REC8: variants seen among roughly 807,000 people sequenced by gnomAD.
REC8 encodes REC8 meiotic recombination protein.
Under a neutral mutation model 78.3 loss-of-function variants are expected in REC8, and 42 were observed. The ratio of observed to expected loss-of-function variants is 0.54; its 90% CI spans 0.42 to 0.69. The LOEUF (loss-of-function observed/expected upper bound fraction) is 0.69. REC8 is among the 30% of genes least tolerant of loss of function. REC8 has a pLI of 0.00. For missense variants in REC8, 581 were observed against 715.8 expected, an observed-to-expected ratio of 0.81 and a Z score of 2.15; for synonymous variants, 268 against 274.1, an observed-to-expected ratio of 0.98 and a Z score of 0.22.
At chr14:24,172,685 A>G (rs368977212) in intron 1 of REC8, 28 bp from the exon 2 acceptor site, 9 of 1,613,720 alleles carry the variant, frequency 5.6e-6, no homozygotes, top group Non-Finnish European at 7.6e-6. Context: ...CTCCATCCCC[A>G]TTCTCCCACC....
In REC8 at chr14:24,176,881, A is replaced by G. The variant is rs2038920100; in HGVS notation, c.604A>G (p.Ile202Val). ...CATCACGATCCTGGAGGCAGAGCCC[A>G]TACGGATGCTGGAGATTGAGGTGAG... The part of the protein sequence containing the change: ...EAITILEAEP[I>V]RMLEIEGERE... Residue 202 changes from isoleucine (I) to valine (V), a missense_variant, in exon 7 of 19, where the codon ATA (isoleucine) becomes GTA (valine). Coordinates refer to ENST00000611366, the MANE Select transcript of REC8 (RefSeq NM_001048205.2). 1 of 1,613,692 alleles carries G rather than the reference A, an allele frequency of 6.2e-7. No homozygotes were observed. Among genetic ancestry groups the G allele is most frequent in the African/African-American group, 1.3e-5 (1 of 74,918 alleles).
chr14:24,176,833 G>A lies in REC8; in HGVS notation c.556G>A (p.Val186Ile), dbSNP rs535816878. 97 of 1,613,340 alleles carry A rather than the reference G, an allele frequency of 6.0e-5. No individual in the cohort carries two copies. Among genetic ancestry groups the A allele is most frequent in the Non-Finnish European group, 7.0e-5 (82 of 1,179,646 alleles). Reference sequence around the variant, plus strand: ...TCTTGTCCCTCCAGAGAGGATTCCGGTCACTGTGCTGCCACCTGAGGCCAT... The same window carrying A: ...TCTTGTCCCTCCAGAGAGGATTCCGATCACTGTGCTGCCACCTGAGGCCAT... ...TEPREPERIP[V>I]TVLPPEAITI... is the part of the protein sequence containing the mutation. The change falls in exon 7 of 19, where the codon GTC (valine) becomes ATC (isoleucine). Residue 186 changes from valine (V) to isoleucine (I), a missense_variant. Coordinates refer to ENST00000611366, the MANE Select transcript of REC8 (RefSeq NM_001048205.2).
chr14:24,174,025 C>T (rs2038782877), intron 5 of REC8, among the ~76,000 whole-genome samples: 1 of 151,944 alleles, frequency 6.6e-6, no homozygotes. Flanking sequence ...GCCACCATGC[C>T]CAACTGATTT....
downstream of REC8, chr14:24,180,568 G>A: frequency 1.2e-6 from 2 of 1,613,682 alleles, no homozygotes; most frequent in Non-Finnish European, 1.7e-6. Flanking sequence ...GTGCGGCCTT[G>A]GTGTCTGGGT....
rs1049460943 is a variant in REC8, at chr14:24,179,583, A to G, written c.1320-12A>G. ...CAGCTGCCACCTTCCCTACTCTCTC[A>G]TGTCCTCCTAGGGCCTGGCCTGAGG... On this transcript the variant is annotated splice_polypyrimidine_tract_variant and intron_variant, in intron 16 of 18. Transcript: ENST00000611366. 17 of 1,614,038 alleles carry G rather than the reference A, an allele frequency of 1.1e-5. No individual in the cohort carries two copies. Among genetic ancestry groups the G allele is most frequent in the Non-Finnish European group, 1.4e-5 (17 of 1,179,984 alleles).
intron 6 of REC8, among the ~76,000 whole-genome samples, chr14:24,176,081 T>C (rs557567344): frequency 3.9e-5 from 6 of 152,080 alleles, no homozygotes; most frequent in African/African-American, 1.2e-4. Context: ...TTTTTTTTTT[T>C]TGAGAGATGG....
rs746729095 is a variant in REC8 at position 24,178,788 on chromosome 14, C to A, written c.1075C>A (p.Pro359Thr). Reference sequence around the variant, plus strand: ...CCTCTTGTCCACAGCTGGCTGGCTACCCCCTGAACTACTGGGTCTCTGGAC... The same window carrying A: ...CCTCTTGTCCACAGCTGGCTGGCTAACCCCTGAACTACTGGGTCTCTGGAC... The part of the protein sequence containing the change: ...FRTPTLSGWL[P>T]PELLGLWTHC... Residue 359 changes from proline (P) to threonine (T), a missense_variant, in exon 14 of 19, where the codon CCC becomes ACC. Transcript: ENST00000611366. 2.5e-6 allele frequency: 4 copies of A among 1,609,870 alleles called. No homozygotes were observed. The highest frequency in any genetic ancestry group is 3.4e-6 in the Non-Finnish European group (4 of 1,177,052).
In REC8 at chr14:24,173,208, C is replaced by T. The variant is rs1037171367; in HGVS notation, c.341+10C>T. The stretch of plus-strand genomic sequence containing the variant: ...ATATGGAGACTGAGCTGTGAGTGTG[C>T]CCTGGGCCTTTGATGGAACACCTGC... On this transcript the variant is annotated intron_variant, in intron 4 of 18. Coordinates refer to ENST00000611366, the MANE Select transcript of REC8 (RefSeq NM_001048205.2). 5 of 1,614,006 alleles carry T rather than the reference C, an allele frequency of 3.1e-6. No homozygotes were observed. The highest frequency in any genetic ancestry group is 2.2e-5 in the East Asian group (1 of 44,892).
rs535859181 is a variant in REC8 at position 24,173,105 on chromosome 14, C to T, written c.269-21C>T. 4.5e-5 allele frequency: 72 copies of T among 1,613,518 alleles called. No individual in the cohort carries two copies. The South Asian group carries it at 5.2e-4, about 12-fold the overall frequency. ...AGCTGTCTGCTAAGCTGGCTGTCTA[C>T]CTCGTCCTCCCTGCCCACAGAGGAC... On this transcript the variant is annotated intron_variant, in intron 3 of 18. Transcript: ENST00000611366.
In REC8 at chr14:24,172,530, G is replaced by A; in HGVS notation, c.-23G>A. ...ATCCGAACGGGGATCTGGTGGAATC[G>A]AGGGTGAAAGACCAGAGGGACAATG... On this transcript the variant is annotated 5_prime_UTR_variant, in exon 1 of 19. Transcript: ENST00000611366. 6.2e-7 allele frequency: 1 copy of A among 1,604,216 alleles called. No homozygotes were observed. Among genetic ancestry groups the A allele is most frequent in the Non-Finnish European group, 8.5e-7 (1 of 1,173,048 alleles).
At position 24,178,157 on chromosome 14, in the gene REC8, G is replaced by C. The variant is rs1178790127; in HGVS notation, c.931G>C (p.Glu311Gln). 1.2e-6 allele frequency: 2 copies of C among 1,614,056 alleles called. No homozygotes were observed. The highest frequency in any genetic ancestry group is 3.3e-5 in the Admixed American group (2 of 60,004). Residue 311 changes from glutamate to glutamine, a missense_variant, in exon 12 of 19, where the codon GAG becomes CAG. Coordinates refer to ENST00000611366, the MANE Select transcript of REC8 (RefSeq NM_001048205.2). ...TCGCCGGTTACTGTTCTGGGACAAG[G>C]AGACTCAGATCTCCCCGGAGAAATT... ...RRRRLLFWDK[E>Q]TQISPEKFQE...
At chr14:24,179,257 G>A in intron 15 of REC8, 124 bp downstream of exon 15, 1 of 1,194,602 alleles carries the variant, frequency 8.4e-7, no homozygotes, top group South Asian at 1.2e-5. Flanking sequence ...AGGAAGCACG[G>A]ACTGGTCCTC....
In REC8 at chr14:24,172,964, G is replaced by T. The variant is rs746788540; in HGVS notation, c.191G>T (p.Arg64Leu). Residue 64 changes from arginine (R) to leucine (L), a missense_variant, in exon 3 of 19, where the codon CGC becomes CTC. By Grantham distance (102) the Arg-to-Leu change is moderately radical. Coordinates refer to ENST00000611366, the MANE Select transcript of REC8 (RefSeq NM_001048205.2). ...CCGCAGCCCGGCCTGCCGCGGCCCC[G>T]CTTCTCCCTCTATCTCTCAGCCCAA... ...QPPQPGLPRP[R>L]FSLYLSAQLQ... 6.2e-7 allele frequency: 1 copy of T among 1,609,802 alleles called. No individual in the cohort carries two copies. The highest frequency in any genetic ancestry group is 1.1e-5 in the South Asian group (1 of 91,084).
At chr14:24,174,984 C>T (rs1167525024) in intron 5 of REC8, among the ~76,000 whole-genome samples, 2 of 150,054 alleles carry the variant, frequency 1.3e-5, no homozygotes, top group Non-Finnish European at 2.9e-5. Context: ...CCAAGGATAA[C>T]GATGCACTGC....
At chr14:24,180,267 G>A, downstream of REC8, 1 of 1,541,182 alleles carries the variant, frequency 6.5e-7, no homozygotes, top group South Asian at 1.2e-5. Context: ...ATGATGTCAT[G>A]ACTCATTTGT....
intron 11 of REC8, 58 bp downstream of exon 11, chr14:24,177,816 C>T: frequency 6.0e-6 from 9 of 1,509,072 alleles, no homozygotes; most frequent in South Asian, 1.3e-5. Context: ...CCCACAAGGA[C>T]TGCCTCCCCA....
chr14:24,176,558 G>A (rs1053385962), intron 6 of REC8, among the ~76,000 whole-genome samples: 3 of 151,890 alleles, frequency 2.0e-5, no homozygotes. Context: ...TGCCCAGGCT[G>A]GCCTCAAACT....
At chr14:24,173,898 C>T (rs913269480) in intron 5 of REC8, among the ~76,000 whole-genome samples, 6 of 152,120 alleles carry the variant, frequency 3.9e-5, no homozygotes, top group Non-Finnish European at 8.8e-5. Flanking sequence ...CAGGATCTTG[C>T]TCTGTGGCCC....
At position 24,178,094 on chromosome 14, in the gene REC8, A is replaced by C. The variant is rs749391986; in HGVS notation, c.868A>C (p.Arg290=). 1.4e-5 allele frequency: 22 copies of C among 1,612,660 alleles called. No individual in the cohort carries two copies. The highest frequency in any genetic ancestry group is 3.3e-4 in the Middle Eastern group (2 of 6,076). ...ACCTGCCCTCCCCACTCAACAGAGG[A>C]GGCCCCCAGTCCCCCCACCTCCTCG... ...RLPAPPSPER[R]PPVPPPPRRR... The change falls in exon 12 of 19, where the codon AGG becomes CGG. Residue 290 remains arginine (R), a synonymous_variant. Coordinates refer to ENST00000611366, the MANE Select transcript of REC8 (RefSeq NM_001048205.2).
Sources: gnomAD v4.1 joint callset for allele counts (sites outside exome capture counted in the v4.1 genomes callset) on GRCh38, gnomAD v4.1.1 for gene constraint, MANE v1.5 for transcripts, NCBI Gene and HGNC (gene_info 2026-07-23, HGNC 2026-07-21) for gene names.